MAST4: variants seen among roughly 807,000 people sequenced by gnomAD.
The protein encoded by MAST4 is microtubule associated serine/threonine kinase family member 4.
In MAST4, 89 loss-of-function variants were observed where a neutral mutation model predicts 162.7. The observed-to-expected ratio is 0.55, with a 90% CI of 0.46 to 0.65. MAST4 has a LOEUF of 0.65. MAST4 is among the 30% of genes least tolerant of loss of function. The pLI is 0.00. For synonymous variants in MAST4, 1,479 were observed against 1,361.1 expected, an observed-to-expected ratio of 1.09 and a Z score of -1.91; for missense variants, 3,153 against 3,374.0, an observed-to-expected ratio of 0.93 and a Z score of 1.62.
intron 2 of MAST4, among the ~76,000 whole-genome samples, chr5:66,786,706 G>A (rs1755134366): frequency 2.0e-5 from 3 of 152,040 alleles, no homozygotes; most frequent in African/African-American, 7.2e-5. Flanking sequence ...TCTTAGTTCA[G>A]CTTTTAGTGC....
chr5:66,960,472 C>T (rs1038763682), intron 4 of MAST4, among the ~76,000 whole-genome samples: 2 of 152,106 alleles, frequency 1.3e-5, no homozygotes, highest in African/African-American at 4.8e-5. Context: ...AACATTTCTC[C>T]CATCTCCACC....
intron 5 of MAST4, among the ~76,000 whole-genome samples, chr5:67,069,802 C>T (rs2150654918): frequency 6.6e-6 from 1 of 151,848 alleles, no homozygotes; most frequent in East Asian, 1.9e-4. Flanking sequence ...TGGGAATGTA[C>T]TGGAAGTCCT....
intron 1 of MAST4, among the ~76,000 whole-genome samples, chr5:66,618,288 A>T (rs1743849236): frequency 6.6e-6 from 1 of 152,202 alleles, no homozygotes; most frequent in South Asian, 2.1e-4. Flanking sequence ...ATAGGTGAGA[A>T]AACGGGGGTT....
intron 1 of MAST4, among the ~76,000 whole-genome samples, chr5:66,599,335 A>G (rs1398623204): frequency 2.6e-5 from 4 of 152,174 alleles, no homozygotes; most frequent in Non-Finnish European, 5.9e-5. Flanking sequence ...CAAAAAGCAC[A>G]CCAGAGGATT....
intron 4 of MAST4, among the ~76,000 whole-genome samples, chr5:66,943,778 G>A (rs1293560109): frequency 6.6e-6 from 1 of 152,064 alleles, no homozygotes; most frequent in Non-Finnish European, 1.5e-5. Context: ...CTGTGGTAGC[G>A]TTCTGAAAGG....
At chr5:66,612,128 T>C (rs747809691) in intron 1 of MAST4, among the ~76,000 whole-genome samples, 1 of 152,232 alleles carries the variant, frequency 6.6e-6, no homozygotes, top group Non-Finnish European at 1.5e-5. Flanking sequence ...GCTGGAGCTA[T>C]ATCTCTGGCA....
Position 67,165,706 on chromosome 5 carries a change from C to A in MAST4, c.6527C>A (p.Pro2176His). 6.3e-6 allele frequency: 10 copies of A among 1,578,318 alleles called. No homozygotes were observed. The highest frequency in any genetic ancestry group is 8.6e-6 in the Non-Finnish European group (10 of 1,163,214). Residue 2176 changes from proline to histidine, a missense_variant, in exon 29 of 29, where the codon CCC becomes CAC. By Grantham distance (77) the Pro-to-His change is moderately conservative (BLOSUM62 -2). Transcript: ENST00000403625. ...KPSTAEPSSS[P>H]QDPPKPVAAH... ...AGCACTGCAGAGCCCAGCTCGAGCCCCCAGGACCCTCCCAAGCCTGTTGCT... is the reference window on the plus strand; with the variant it reads ...AGCACTGCAGAGCCCAGCTCGAGCCACCAGGACCCTCCCAAGCCTGTTGCT...
chr5:67,073,354 G>C (rs927852265), intron 5 of MAST4, among the ~76,000 whole-genome samples: 1 of 152,154 alleles, frequency 6.6e-6, no homozygotes, highest in Non-Finnish European at 1.5e-5. Context: ...AGCCAAAGTT[G>C]AGTTTAGCTT....
intron 4 of MAST4, among the ~76,000 whole-genome samples, chr5:66,990,037 G>C (rs748966348): frequency 1.3e-5 from 2 of 152,110 alleles, no homozygotes. Flanking sequence ...GCCAGCTGTT[G>C]ACAGATCTAT....
At chr5:67,048,377 T>C (rs547545191) in intron 4 of MAST4, among the ~76,000 whole-genome samples, 27 of 152,340 alleles carry the variant, frequency 1.8e-4, no homozygotes, top group African/African-American at 6.3e-4. Flanking sequence ...TATCTAATTC[T>C]GTAGACATTC....
At chr5:67,081,531 C>T (rs1762654713) in intron 5 of MAST4, among the ~76,000 whole-genome samples, 1 of 151,936 alleles carries the variant, frequency 6.6e-6, no homozygotes, top group Admixed American at 6.6e-5. Context: ...TCAGAGCTCT[C>T]AGGGACAAGT....
intron 2 of MAST4, among the ~76,000 whole-genome samples, chr5:66,784,563 C>T (rs1447269426): frequency 1.3e-5 from 2 of 152,188 alleles, no homozygotes; most frequent in Non-Finnish European, 2.9e-5. Flanking sequence ...ACCCACCCCT[C>T]ATTTTTTCTG....
intron 1 of MAST4, among the ~76,000 whole-genome samples, chr5:66,599,013 G>C (rs1320301780): frequency 1.3e-5 from 2 of 152,204 alleles, no homozygotes; most frequent in African/African-American, 4.8e-5. Context: ...TCTCAGAATT[G>C]CGTGTAAACT....
intron 1 of MAST4, among the ~76,000 whole-genome samples, chr5:66,723,886 C>T (rs1751360020): frequency 6.6e-6 from 1 of 152,056 alleles, no homozygotes; most frequent in Admixed American, 6.6e-5. Context: ...GTAGGAAGAA[C>T]ATTTGGTGAT....
intron 4 of MAST4, among the ~76,000 whole-genome samples, chr5:67,024,095 A>G (rs955550331): frequency 7.0e-6 from 1 of 142,296 alleles, no homozygotes; most frequent in Non-Finnish European, 1.5e-5. Context: ...CCCCCATTCT[A>G]ACTTTCTGTC....
At chr5:67,122,729 A>G (rs1767729398) in intron 14 of MAST4, among the ~76,000 whole-genome samples, 1 of 152,174 alleles carries the variant, frequency 6.6e-6, no homozygotes, top group Non-Finnish European at 1.5e-5. Flanking sequence ...TTGGGCATAT[A>G]TCTTAGCAGT....
intron 3 of MAST4, among the ~76,000 whole-genome samples, chr5:66,858,802 T>G (rs924712986): frequency 6.6e-6 from 1 of 152,128 alleles, no homozygotes; most frequent in African/African-American, 2.4e-5. Context: ...TGGTATATGT[T>G]TCTGTTAATT....
chr5:66,756,716 T>C (rs1753562715), intron 1 of MAST4, among the ~76,000 whole-genome samples: 1 of 152,186 alleles, frequency 6.6e-6, no homozygotes, highest in South Asian at 2.1e-4. Flanking sequence ...AAGCTTTGAC[T>C]AATTGTAGAA....
intron 12 of MAST4, 177 bp downstream of exon 12, chr5:67,114,396 C>G: frequency 1.5e-6 from 1 of 670,766 alleles, no homozygotes; most frequent in Non-Finnish European, 2.4e-6. Flanking sequence ...TCCTGAGACA[C>G]GAATGAGCAT....
Sources: allele counts gnomAD v4.1 joint callset (sites outside exome capture counted in the v4.1 genomes callset), GRCh38; gene constraint gnomAD v4.1.1; transcripts MANE v1.5; gene names NCBI Gene and HGNC (gene_info 2026-07-23, HGNC 2026-07-21).